The following ZFHX3 variants were observed in gnomAD, a reference collection of about 807,000 sequenced individuals.
The protein encoded by ZFHX3 is zinc finger homeobox protein 3.
ZFHX3 carries 42 observed loss-of-function variants against 279.1 expected under a neutral mutation model. That is an observed-to-expected ratio of 0.15 (90% CI 0.12 to 0.19). The LOEUF is 0.19. Among genes scored for constraint, ZFHX3 ranks in the 10% least tolerant of loss-of-function variants. The pLI, the probability that ZFHX3 is intolerant of heterozygous loss-of-function variation, is 1.00. For synonymous variants in ZFHX3, 2,293 were observed against 1,957.8 expected (o/e 1.17, Z -4.52); for missense variants, 4,981 against 4,754.0 (o/e 1.05, Z -1.40).
intron 2 of ZFHX3, among the ~76,000 whole-genome samples, chr16:73,506,030 T>C (rs940977068): frequency 2.0e-5 from 3 of 152,146 alleles, no homozygotes; most frequent in African/African-American, 7.2e-5. Context: ...CAGCGGAAGG[T>C]GGGGTTCAGA....
intron 2 of ZFHX3, among the ~76,000 whole-genome samples, chr16:73,647,213 C>T (rs553541945): frequency 6.6e-6 from 1 of 151,926 alleles, no homozygotes; most frequent in African/African-American, 2.4e-5. Context: ...GGGGTTTCAC[C>T]GTGTTAGCCA....
Position 72,832,028 on chromosome 16 carries a change from C to G in ZFHX3, c.3449-2169G>C, listed in dbSNP as rs113773197. Among the ~76,000 whole-genome samples, 868 of 152,266 alleles carry G rather than the reference C, an allele frequency of 5.7e-3. 6 individuals are homozygous for G. Among genetic ancestry groups the G allele is most frequent in the Non-Finnish European group, 8.8e-3 (601 of 68,012 alleles). On this transcript the variant is annotated intron_variant, in intron 4 of 9. Coordinates refer to ENST00000268489, the MANE Select transcript of ZFHX3 (RefSeq NM_006885.4). Reference sequence around the variant, plus strand: ...GCTCAATGGCCTCTCATCTCTAGTGCATACATATGACCACCTTAGATGAAG... The same window carrying G: ...GCTCAATGGCCTCTCATCTCTAGTGGATACATATGACCACCTTAGATGAAG...
At chr16:73,810,306 T>G (rs74028493) in intron 1 of ZFHX3, among the ~76,000 whole-genome samples, 64 of 152,308 alleles carry the variant, frequency 4.2e-4, no homozygotes, top group African/African-American at 1.5e-3. Context: ...TTGGGAGTAT[T>G]TGGGCCCCTG....
Position 73,464,003 on chromosome 16 carries a change from G to C in ZFHX3, c.-1546-7745C>G, listed in dbSNP as rs545888054. Among the ~76,000 whole-genome samples the C allele has an allele frequency of 2.0e-5, 3 of 152,276 alleles. No individual in the cohort carries two copies. In the South Asian group the frequency reaches 6.2e-4, roughly 32 times the overall value. ...TTAATGCATTAAAATAAACAATACT[G>C]TGGATGCAGAAATGAACATTTAAGT... On this transcript the variant is annotated intron_variant, in intron 2 of 17. Transcript: ENST00000641206.
chr16:73,168,835 C>G (rs989429227), intron 5 of ZFHX3, among the ~76,000 whole-genome samples: 1 of 152,226 alleles, frequency 6.6e-6, no homozygotes, highest in African/African-American at 2.4e-5. Flanking sequence ...CACCTCTGCT[C>G]CCTTTCAAGT....
intron 1 of ZFHX3, among the ~76,000 whole-genome samples, chr16:73,776,907 A>G (rs1959268320): frequency 6.6e-6 from 1 of 152,062 alleles, no homozygotes; most frequent in Non-Finnish European, 1.5e-5. Flanking sequence ...TTTTTAAGGA[A>G]CAATATTATC....
intron 3 of ZFHX3, among the ~76,000 whole-genome samples, chr16:73,424,561 G>A (rs958789731): frequency 3.3e-5 from 5 of 151,930 alleles, no homozygotes; most frequent in Admixed American, 6.6e-5. Context: ...CCTGGGCAAC[G>A]TAGCAAGACC....
chr16:73,700,279 C>A (rs1567555451), intron 1 of ZFHX3, among the ~76,000 whole-genome samples: 2 of 152,060 alleles, frequency 1.3e-5, no homozygotes. Flanking sequence ...TACTGAGAAT[C>A]CTGTTCTCAC....
intron 1 of ZFHX3, among the ~76,000 whole-genome samples, chr16:73,011,777 T>TC (rs1963928263): frequency 6.7e-6 from 1 of 150,102 alleles, no homozygotes; most frequent in African/African-American, 2.5e-5. Flanking sequence ...TTAAGCTAAC[T>TC]CCCCTCCCCC....
chr16:73,414,708 C>A (rs920516429), intron 3 of ZFHX3, among the ~76,000 whole-genome samples: 1 of 152,146 alleles, frequency 6.6e-6, no homozygotes, highest in East Asian at 1.9e-4. Flanking sequence ...CATGGGGGCA[C>A]GTGCCTATGG....
At position 72,933,426 on chromosome 16, in the gene ZFHX3, AGTAT is replaced by A. The variant is rs1959929790; in HGVS notation, c.3216+17039_3216+17042del. On this transcript the variant is annotated intron_variant, in intron 3 of 9. Transcript: ENST00000268489. The stretch of plus-strand genomic sequence containing the variant: ...AGAGAACATTTCACCATTAGGTTTT[AGTAT>A]TTTACCCTCACATTGCATTATGAAC... Among the ~76,000 whole-genome samples, 10 of 152,298 alleles carry A rather than the reference AGTAT, an allele frequency of 6.6e-5. No homozygotes were observed. The South Asian group carries it at 2.1e-3, about 32-fold the overall frequency.
At chr16:73,318,914 C>T (rs1597281951) in intron 3 of ZFHX3, among the ~76,000 whole-genome samples, 1 of 152,174 alleles carries the variant, frequency 6.6e-6, no homozygotes, top group African/African-American at 2.4e-5. Context: ...AGCTTGTTTG[C>T]TGTAATTTTA....
chr16:73,386,170 TTCTC>T (rs1369070709), intron 3 of ZFHX3, among the ~76,000 whole-genome samples: 1 of 151,316 alleles, frequency 6.6e-6, no homozygotes, highest in South Asian at 2.1e-4. Context: ...CTCGCTCTCT[TTCTC>T]TCTCTGTTTC....
chr16:72,938,826 G>T (rs555502895), intron 3 of ZFHX3, among the ~76,000 whole-genome samples: 4 of 152,288 alleles, frequency 2.6e-5, no homozygotes, highest in African/African-American at 9.6e-5. Flanking sequence ...GCTGACAGCT[G>T]CAGCCATCAC....
chr16:73,372,441 T>TTTA (rs1567464034), intron 3 of ZFHX3, among the ~76,000 whole-genome samples: 1 of 152,234 alleles, frequency 6.6e-6, no homozygotes, highest in Non-Finnish European at 1.5e-5. Context: ...AGAAAACGTA[T>TTTA]TTGAATTCCC....
At chr16:73,787,559 T>C (rs935153775) in intron 1 of ZFHX3, among the ~76,000 whole-genome samples, 2 of 152,172 alleles carry the variant, frequency 1.3e-5, no homozygotes, top group African/African-American at 4.8e-5. Flanking sequence ...AGACCTGGAT[T>C]CATTAGGTAT....
intron 1 of ZFHX3, among the ~76,000 whole-genome samples, chr16:72,974,070 C>CTA (rs905699123): frequency 1.3e-5 from 2 of 152,190 alleles, no homozygotes; most frequent in Non-Finnish European, 2.9e-5. Context: ...GAAGTAAGTG[C>CTA]TATCATTCAA....
intron 2 of ZFHX3, among the ~76,000 whole-genome samples, chr16:73,678,962 A>G (rs956740933): frequency 5.3e-5 from 8 of 152,210 alleles, no homozygotes; most frequent in Non-Finnish European, 1.0e-4. Context: ...CAGATGACCA[A>G]GAATCACCAA....
intron 2 of ZFHX3, among the ~76,000 whole-genome samples, chr16:73,561,338 AAT>A (rs2020365739): frequency 6.6e-6 from 1 of 152,216 alleles, no homozygotes; most frequent in African/African-American, 2.4e-5. Context: ...TTTTTAAAAA[AAT>A]ATTGTTTTAC....
Sources: allele counts gnomAD v4.1 joint callset (sites outside exome capture counted in the v4.1 genomes callset), GRCh38; gene constraint gnomAD v4.1.1; transcripts MANE v1.5; gene names NCBI Gene and HGNC (gene_info 2026-07-23, HGNC 2026-07-21).